NEB: variants seen among roughly 807,000 people sequenced by gnomAD.
NEB encodes the protein nemaline myopathy type 2.
Under a neutral mutation model 952.2 loss-of-function variants are expected in NEB, and 512 were observed. That is an observed-to-expected ratio of 0.54 (90% confidence interval 0.50 to 0.58). The LOEUF (loss-of-function observed/expected upper bound fraction) is 0.58, where lower values mean the gene tolerates loss of function less well. NEB is among the 20% of genes least tolerant of loss of function. The probability of loss-of-function intolerance (pLI) is 0.00; values close to 1 mark genes in which losing one functional copy is unlikely to be tolerated. For missense variants in NEB, 8,428 were observed against 9,231.1 expected (o/e 0.91, Z 3.56); for synonymous variants, 2,900 against 3,149.8 (o/e 0.92, Z 2.66).
chr2:151,555,352 A>G (rs1192641364), intron 124 of NEB, among the ~76,000 whole-genome samples: 3 of 152,234 alleles, frequency 2.0e-5, no homozygotes. Context: ...TACTACAAGC[A>G]ATTCATTTTA....
At chr2:151,644,239 CA>C in intron 56 of NEB, 110 bp from the exon 57 acceptor site, 1 of 1,410,992 alleles carries the variant, frequency 7.1e-7, no homozygotes, top group Non-Finnish European at 9.6e-7. Context: ...CCTAGAGAGC[CA>C]AAGACTTCAG....
intron 42 of NEB, 74 bp downstream of exon 42, chr2:151,665,259 T>C (rs185027498): frequency 8.7e-6 from 12 of 1,376,934 alleles, no homozygotes; most frequent in African/African-American, 7.1e-5. Flanking sequence ...TAGGAGACGA[T>C]TGGGGCACTG....
chr2:151,503,232 AACACACACAG>A lies in NEB; in HGVS notation c.23835+107_23835+116del, dbSNP rs947909582. On this transcript the variant is annotated intron_variant, in intron 166 of 181. Coordinates refer to ENST00000397345, the MANE Select transcript of NEB (RefSeq NM_001164508.2). Reference sequence around the variant, plus strand: ...TAATTTTGGTCAGGTAATAATACACAACACACACAGACACACACAGAATTGCTGTTAAGAT... The same window carrying A: ...TAATTTTGGTCAGGTAATAATACACAACACACACAGAATTGCTGTTAAGAT... 15 of 765,662 alleles carry A rather than the reference AACACACACAG, an allele frequency of 2.0e-5. No homozygotes were observed. In the Admixed American group the frequency reaches 3.6e-4, roughly 18 times the overall value. 47.4% of individuals were successfully genotyped at this position (765,662 alleles called of 1,614,324 possible).
intron 181 of NEB, among the ~76,000 whole-genome samples, chr2:151,487,255 C>T (rs1001348749): frequency 1.3e-5 from 2 of 152,138 alleles, no homozygotes; most frequent in Non-Finnish European, 2.9e-5. Context: ...AGCTATCCTC[C>T]ACAGTGTTAA....
At chr2:151,722,629 G>A (rs1037472713) in intron 9 of NEB, among the ~76,000 whole-genome samples, 5 of 151,970 alleles carry the variant, frequency 3.3e-5, no homozygotes, top group Admixed American at 6.6e-5. Context: ...CTGCAGCCTC[G>A]ACCTCCTGGG....
chr2:151,611,142 T>C (rs1488025303), intron 78 of NEB, among the ~76,000 whole-genome samples: 2 of 152,138 alleles, frequency 1.3e-5, no homozygotes, highest in Non-Finnish European at 2.9e-5. Flanking sequence ...ATCACAAGCT[T>C]ATTCAGATAT....
intron 130 of NEB, 103 bp from the exon 131 acceptor site, chr2:151,548,518 T>G: frequency 1.2e-6 from 1 of 826,752 alleles, no homozygotes; most frequent in Non-Finnish European, 2.0e-6. Context: ...GAAAAATTGC[T>G]CTTTTTAAGG....
chr2:151,686,650 T>C (rs2099501649), intron 27 of NEB, among the ~76,000 whole-genome samples: 1 of 152,102 alleles, frequency 6.6e-6, no homozygotes, highest in South Asian at 2.1e-4. Context: ...AAAGCATGGT[T>C]AAATCTAAAT....
chr2:151,670,777 T>C (rs141807057), intron 38 of NEB, among the ~76,000 whole-genome samples: 14 of 152,256 alleles, frequency 9.2e-5, no homozygotes, highest in African/African-American at 2.7e-4. Flanking sequence ...TGCTTATGAA[T>C]AGCACAGGCT....
In NEB at chr2:151,490,045, G is replaced by A. The variant is rs778104284; in HGVS notation, c.25330C>T (p.Gln8444Ter). The change falls in exon 181 of 182, where the codon CAA (glutamine) becomes TAA (stop). Residue 8444 changes from glutamine to a stop codon, truncating the protein, a stop_gained. Transcript: ENST00000397345. LOFTEE classifies it high-confidence loss of function. ...YKHAKTTELP[Q>*]QRSSSVATQQ... is the part of the protein sequence containing the mutation. Reference sequence around the variant, plus strand: ...GTAGCAACTGAAGATGATCGTTGTTGTGGGAGCTCTGTGGTTTTTGCATGT... The same window carrying A: ...GTAGCAACTGAAGATGATCGTTGTTATGGGAGCTCTGTGGTTTTTGCATGT... 2.2e-5 allele frequency: 36 copies of A among 1,612,830 alleles called. No individual in the cohort carries two copies. The highest frequency in any genetic ancestry group is 3.0e-5 in the Non-Finnish European group (35 of 1,179,494).
In NEB at chr2:151,657,966, G is replaced by C; in HGVS notation, c.6183+17C>G. 1.3e-6 allele frequency: 2 copies of C among 1,555,452 alleles called. No homozygotes were observed. Among genetic ancestry groups the C allele is most frequent in the Non-Finnish European group, 1.8e-6 (2 of 1,132,786 alleles). On this transcript the variant is annotated intron_variant, in intron 48 of 181. Coordinates refer to ENST00000397345, the MANE Select transcript of NEB (RefSeq NM_001164508.2). ...CTTAGAAACCCCCAGCCAGGTGACC[G>C]TTTCCTTTGGACTTACATCACTTGC...
intron 72 of NEB, 54 bp downstream of exon 72, chr2:151,620,865 A>G (rs2098402085): frequency 7.3e-7 from 1 of 1,364,362 alleles, no homozygotes. Context: ...ATCCAGCTGT[A>G]TTCTGTGTGG....
chr2:151,662,738 A>G (rs2099162289), intron 45 of NEB, among the ~76,000 whole-genome samples: 1 of 152,170 alleles, frequency 6.6e-6, no homozygotes, highest in Admixed American at 6.5e-5. Context: ...ACAGATGACT[A>G]TGGAAACCCC....
chr2:151,656,045 T>C (rs756816194), intron 49 of NEB, 22 bp from the exon 50 acceptor site: 1 of 1,605,992 alleles, frequency 6.2e-7, no homozygotes, highest in Non-Finnish European at 8.5e-7. Context: ...ATAAGCAAAT[T>C]CTACTTTATC....
chr2:151,531,973 C>T, intron 143 of NEB, 77 bp from the exon 144 acceptor site: 1 of 822,480 alleles, frequency 1.2e-6, no homozygotes, highest in Non-Finnish European at 2.0e-6. Flanking sequence ...CCTCTTGAAA[C>T]ACCAGAGTGG....
chr2:151,504,367 T>C (rs1275253443), intron 165 of NEB, among the ~76,000 whole-genome samples: 1 of 152,214 alleles, frequency 6.6e-6, no homozygotes, highest in African/African-American at 2.4e-5. Context: ...AGAATTGATC[T>C]CGGACAACAG....
At chr2:151,667,985 C>CA in intron 39 of NEB, 74 bp from the exon 40 acceptor site, 1 of 1,171,628 alleles carries the variant, frequency 8.5e-7, no homozygotes, top group Non-Finnish European at 1.2e-6. Context: ...CAAAATGTTT[C>CA]TTATAAAACA....
At chr2:151,512,647 G>C (rs1346692651) in intron 161 of NEB, 86 bp downstream of exon 161, 2 of 981,426 alleles carry the variant, frequency 2.0e-6, no homozygotes, top group African/African-American at 3.2e-5. Flanking sequence ...CTGATCTGAA[G>C]AATCTCTTAA....
rs567135338 is a variant in NEB at position 151,680,622 on chromosome 2, T to C, written c.3042+108A>G. The stretch of plus-strand genomic sequence containing the variant: ...GGAATTCTACAGATGCTTGTGTAAT[T>C]GGGTCTCTTCATATTGTATAATAAC... On this transcript the variant is annotated intron_variant, in intron 30 of 181. Coordinates refer to ENST00000397345, the MANE Select transcript of NEB (RefSeq NM_001164508.2). 9 of 747,330 alleles carry C rather than the reference T, an allele frequency of 1.2e-5. No homozygotes were observed. The South Asian group carries it at 2.1e-4, about 17-fold the overall frequency. 46.3% of individuals were successfully genotyped at this position (747,330 alleles called of 1,614,324 possible).
Sources: allele counts gnomAD v4.1 joint callset (sites outside exome capture counted in the v4.1 genomes callset), GRCh38; gene constraint gnomAD v4.1.1; transcripts MANE v1.5; gene names NCBI Gene and HGNC (gene_info 2026-07-23, HGNC 2026-07-21).